The following LINGO1 variants were observed in gnomAD, a reference collection of about 807,000 sequenced individuals.
The protein encoded by LINGO1 is leucine-rich repeat and immunoglobulin-like domain-containing nogo receptor-interacting protein 1.
Under a neutral mutation model 37.3 loss-of-function variants are expected in LINGO1, and 11 were observed. The ratio of observed to expected loss-of-function variants is 0.29; its 90% CI spans 0.19 to 0.49. LINGO1 has a LOEUF of 0.49. Ranked by LOEUF, LINGO1 falls within the 20% of genes least tolerant of loss-of-function variation. The pLI is 0.99. For synonymous variants in LINGO1, 387 were observed against 403.0 expected (o/e 0.96, Z 0.48); for missense variants, 585 against 878.2 (o/e 0.67, Z 4.22).
intron 3 of LINGO1, among the ~76,000 whole-genome samples, chr15:77,675,128 C>T (rs1468926950): frequency 6.6e-6 from 1 of 152,108 alleles, no homozygotes; most frequent in Non-Finnish European, 1.5e-5. Context: ...TTAATAATTC[C>T]TATGATTGGC....
chr15:77,668,123 A>C (rs1480720837), intron 3 of LINGO1: 1 of 152,338 alleles, frequency 6.6e-6, no homozygotes, highest in Non-Finnish European at 1.5e-5. Flanking sequence ...GTGCAAAATC[A>C]GGGTTTTAGA....
At chr15:77,691,991 C>T (rs2075612366) in intron 1 of LINGO1, among the ~76,000 whole-genome samples, 1 of 152,216 alleles carries the variant, frequency 6.6e-6, no homozygotes, top group Non-Finnish European at 1.5e-5. Context: ...AAAGCAACCA[C>T]ATGCGTGCTC....
intron 3 of LINGO1, among the ~76,000 whole-genome samples, chr15:77,673,451 T>G (rs1014687072): frequency 1.4e-5 from 2 of 143,220 alleles, no homozygotes; most frequent in Non-Finnish European, 3.1e-5. Flanking sequence ...GTGACCTCGT[T>G]ACCGAGGCAG....
chr15:77,730,761 G>A (rs557992605), intron 2 of LINGO1, among the ~76,000 whole-genome samples: 53 of 152,368 alleles, frequency 3.5e-4, no homozygotes, highest in African/African-American at 1.2e-3. Context: ...CTCCACATCT[G>A]TAACATGGGA....
At chr15:77,739,731 A>G (rs2076241555) in intron 1 of LINGO1, among the ~76,000 whole-genome samples, 1 of 152,226 alleles carries the variant, frequency 6.6e-6, no homozygotes, top group Non-Finnish European at 1.5e-5. Context: ...GGCCCAGCCC[A>G]CCCACTGAGG....
chr15:77,703,701 G>T (rs751487957), intron 2 of LINGO1, among the ~76,000 whole-genome samples: 6 of 152,162 alleles, frequency 3.9e-5, no homozygotes, highest in Non-Finnish European at 4.4e-5. Context: ...ATCTCTAACA[G>T]AGAAGCCCGA....
chr15:77,718,183 G>T (rs1274871544), intron 2 of LINGO1, among the ~76,000 whole-genome samples: 1 of 150,860 alleles, frequency 6.6e-6, no homozygotes, highest in Non-Finnish European at 1.5e-5. Context: ...CCACGGAGGG[G>T]TCTTGCCGTG....
intron 1 of LINGO1, among the ~76,000 whole-genome samples, chr15:77,755,025 G>A (rs2076406397): frequency 6.6e-6 from 1 of 152,174 alleles, no homozygotes; most frequent in Non-Finnish European, 1.5e-5. Context: ...CTCTCCCTCT[G>A]CCAGCCACGT....
chr15:77,768,819 AG>A (rs2076555717), intron 1 of LINGO1, among the ~76,000 whole-genome samples: 1 of 152,162 alleles, frequency 6.6e-6, no homozygotes, highest in Non-Finnish European at 1.5e-5. Context: ...CCCACTCACC[AG>A]GGTAATCTAC....
At position 77,750,752 on chromosome 15, in the gene LINGO1, C is replaced by A. The variant is rs890291616; in HGVS notation, c.-256-15699G>T. ...CACTCAATAAATATTTGGTTGAGTG[C>A]CAAGTATTTCATATACATGGTCTCA... On this transcript the variant is annotated intron_variant, in intron 1 of 3. Coordinates refer to the LINGO1 transcript ENST00000561686. 3.9e-5 allele frequency among the ~76,000 whole-genome samples: 6 copies of A among 152,214 alleles called. No homozygotes were observed. The South Asian group carries it at 6.2e-4, about 16-fold the overall frequency.
chr15:77,692,574 C>T (rs185834328), intron 1 of LINGO1, among the ~76,000 whole-genome samples: 9 of 152,336 alleles, frequency 5.9e-5, no homozygotes, highest in African/African-American at 1.9e-4. Context: ...GTTGCGGATG[C>T]ATCCGAGAGA....
chr15:77,714,994 C>A (rs2075966680), intron 2 of LINGO1, among the ~76,000 whole-genome samples: 1 of 152,192 alleles, frequency 6.6e-6, no homozygotes, highest in Non-Finnish European at 1.5e-5. Flanking sequence ...CTCTGGAAAC[C>A]AAATACTCCA....
chr15:77,801,114 T>G (rs533117186), intron 1 of LINGO1, among the ~76,000 whole-genome samples: 7 of 152,178 alleles, frequency 4.6e-5, no homozygotes, highest in Non-Finnish European at 8.8e-5. Context: ...GCAACACTGA[T>G]TAACATTTTA....
At chr15:77,786,050 G>A (rs563476712) in intron 1 of LINGO1, among the ~76,000 whole-genome samples, 1 of 152,300 alleles carries the variant, frequency 6.6e-6, no homozygotes, top group South Asian at 2.1e-4. Flanking sequence ...TGTGCATATG[G>A]GAGAAACTGA....
At chr15:77,814,299 T>C (rs1360886424) in intron 1 of LINGO1, among the ~76,000 whole-genome samples, 1 of 152,228 alleles carries the variant, frequency 6.6e-6, no homozygotes, top group Non-Finnish European at 1.5e-5. Context: ...TAACTCACTG[T>C]GTGGCTTCTG....
chr15:77,636,037 T>C (rs8028788), upstream of LINGO1, among the ~76,000 whole-genome samples: 30,703 of 152,280 alleles, frequency 0.2, 6,648 homozygotes, highest in African/African-American at 0.55. Context: ...TTCACATCTT[T>C]GTCTCTCTGC....
At chr15:77,671,065 C>T (rs1283430000) in intron 3 of LINGO1, among the ~76,000 whole-genome samples, 1 of 152,206 alleles carries the variant, frequency 6.6e-6, no homozygotes, top group Non-Finnish European at 1.5e-5. Context: ...ACTTCATCAC[C>T]ACCTGACCCT....
chr15:77,619,402 G>A (rs960946965), intron 1 of LINGO1, among the ~76,000 whole-genome samples: 4 of 152,264 alleles, frequency 2.6e-5, no homozygotes, highest in African/African-American at 9.6e-5. Flanking sequence ...GCATGGTGGC[G>A]CTGCAATCCC....
upstream of LINGO1, among the ~76,000 whole-genome samples, chr15:77,637,211 C>A (rs1396354208): frequency 6.6e-6 from 1 of 152,244 alleles, no homozygotes; most frequent in East Asian, 1.9e-4. The surrounding 1 kb of genome is among the most constrained non-coding windows in gnomAD (Gnocchi z 4.6). Flanking sequence ...GTTCTCTCCC[C>A]ACAGTGGCTG....
Sources: allele counts gnomAD v4.1 joint callset (sites outside exome capture counted in the v4.1 genomes callset), GRCh38; gene constraint gnomAD v4.1.1; non-coding constraint Gnocchi (gnomAD v3.1); transcripts MANE v1.5; gene names NCBI Gene and HGNC (gene_info 2026-07-23, HGNC 2026-07-21).